Variants in BNIP3L observed in about 807,000 individuals in gnomAD.
BNIP3L encodes BCL2/adenovirus E1B 19 kDa protein-interacting protein 3-like.
In BNIP3L, 10 loss-of-function variants were observed where a neutral mutation model predicts 25.5. The ratio of observed to expected loss-of-function variants is 0.39; its 90% CI spans 0.24 to 0.67. BNIP3L has a LOEUF of 0.67. Ranked by LOEUF, BNIP3L falls within the 30% of genes least tolerant of loss-of-function variation. The pLI, the probability that BNIP3L is intolerant of heterozygous loss-of-function variation, is 0.45. For missense variants in BNIP3L, 215 were observed against 270.9 expected (o/e 0.79, Z 1.45); for synonymous variants, 113 against 101.2 (o/e 1.12, Z -0.70).
intron 1 of BNIP3L, among the ~76,000 whole-genome samples, chr8:26,387,771 C>T (rs998441133): frequency 1.3e-5 from 2 of 152,190 alleles, no homozygotes; most frequent in Non-Finnish European, 2.9e-5. Flanking sequence ...GAAATCTACA[C>T]TTTTAAGGCT....
chr8:26,392,177 T>G (rs1806128318), intron 2 of BNIP3L, among the ~76,000 whole-genome samples: 3 of 151,750 alleles, frequency 2.0e-5, no homozygotes, highest in South Asian at 2.1e-4. Flanking sequence ...TTCTGTTTTT[T>G]TTTTTTTTTT....
At position 26,406,997 on chromosome 8, in the gene BNIP3L, T is replaced by G. The variant is rs890713912; in HGVS notation, c.358-1003T>G. On this transcript the variant is annotated intron_variant, in intron 3 of 5. Transcript: ENST00000380629. ...TTTTTTAATTATGAAATTTTTTTTT[T>G]TCTTTTTTTTGTTGAGATGGAATCT... Among the ~76,000 whole-genome samples, 66 of 151,860 alleles carry G rather than the reference T, an allele frequency of 4.3e-4. 1 individual carries two copies. The highest frequency in any genetic ancestry group is 1.6e-3 in the African/African-American group (66 of 41,342).
intron 3 of BNIP3L, among the ~76,000 whole-genome samples, chr8:26,406,008 A>G (rs963976246): frequency 2.6e-5 from 4 of 152,210 alleles, no homozygotes; most frequent in African/African-American, 7.2e-5. Flanking sequence ...GCGCCACTGC[A>G]CTCCAGCCTG....
chr8:26,392,635 A>G (rs1789863318), intron 2 of BNIP3L, among the ~76,000 whole-genome samples: 1 of 151,152 alleles, frequency 6.6e-6, no homozygotes, highest in Admixed American at 6.6e-5. Flanking sequence ...GGCTCTTGTC[A>G]TAAGCGGAAC....
At chr8:26,395,177 G>C in intron 2 of BNIP3L, 53 bp from the exon 3 acceptor site, 2 of 1,578,854 alleles carry the variant, frequency 1.3e-6, no homozygotes, top group Non-Finnish European at 1.7e-6. Flanking sequence ...TAGAGACTAA[G>C]TCATTTGACA....
chr8:26,393,946 G>A (rs1047379000), intron 2 of BNIP3L, among the ~76,000 whole-genome samples: 6 of 152,034 alleles, frequency 3.9e-5, no homozygotes, highest in Non-Finnish European at 7.4e-5. Flanking sequence ...AATTTCTGAC[G>A]ATCTTATTTC....
chr8:26,396,636 C>T (rs1441046508), intron 3 of BNIP3L, among the ~76,000 whole-genome samples: 3 of 151,082 alleles, frequency 2.0e-5, no homozygotes, highest in East Asian at 1.9e-4. Flanking sequence ...ATGATTTTGA[C>T]GAGCTGAGAG....
chr8:26,395,492 C>A, intron 3 of BNIP3L, 190 bp downstream of exon 3: 1 of 577,464 alleles, frequency 1.7e-6, no homozygotes. Context: ...ATTTTGGGCC[C>A]TGTCACTCTA....
chr8:26,396,073 G>C (rs1219872332), intron 3 of BNIP3L: 2 of 151,128 alleles, frequency 1.3e-5, no homozygotes, highest in African/African-American at 4.9e-5. Flanking sequence ...GCCCAGGCTT[G>C]CTTAGGTAAA....
At chr8:26,397,426 C>T (rs1399765776) in intron 3 of BNIP3L, among the ~76,000 whole-genome samples, 16 of 120,560 alleles carry the variant, frequency 1.3e-4, no homozygotes, top group Non-Finnish European at 8.6e-5. Context: ...AAATGCTGAC[C>T]GATTTTGTCA....
intron 3 of BNIP3L, among the ~76,000 whole-genome samples, chr8:26,398,841 CAT>C (rs1397887070): frequency 1.1e-4 from 17 of 152,136 alleles, no homozygotes; most frequent in African/African-American, 4.1e-4. Context: ...TTCCTCGACA[CAT>C]ACACTCTCCC....
rs947010923 is a variant in BNIP3L, at chr8:26,390,499, A to G, written c.101-744A>G. On this transcript the variant is annotated intron_variant, in intron 1 of 5. Coordinates refer to ENST00000380629, the MANE Select transcript of BNIP3L (RefSeq NM_004331.3). ...GTAGAAACCCGTGGGAGAGAAAAGAAAAAAGACAAGTTCACAAGGTATGTT... is the reference window on the plus strand; with the variant it reads ...GTAGAAACCCGTGGGAGAGAAAAGAGAAAAGACAAGTTCACAAGGTATGTT... 4.1e-6 allele frequency: 4 copies of G among 985,378 alleles called. No individual in the cohort carries two copies. The African/African-American group carries it at 7.0e-5, about 17-fold the overall frequency. The allele number at this position is 985,378 out of a possible 1,614,324, so 61.0% of individuals were successfully genotyped here. A position where few individuals can be genotyped will look rare whatever the true frequency, so the allele number is the denominator to read the frequency against.
chr8:26,400,174 G>C (rs1280185856), intron 3 of BNIP3L, among the ~76,000 whole-genome samples: 2 of 151,600 alleles, frequency 1.3e-5, no homozygotes, highest in Non-Finnish European at 2.9e-5. Context: ...ATACCACAAG[G>C]CTACAGTAAC....
rs1294068002 is a variant in BNIP3L, at chr8:26,411,983, TTGA to T, written c.*1574_*1576del. On this transcript the variant is annotated 3_prime_UTR_variant, in exon 6 of 6. Transcript: ENST00000380629. Reference sequence around the variant, plus strand: ...TTTTCTCACATCAACATTTGTAAAATTGATGTGTTATAGTGGAAAATAACATAT... The same window carrying T: ...TTTTCTCACATCAACATTTGTAAAATTGTGTTATAGTGGAAAATAACATAT... 6.6e-6 allele frequency: 1 copy of T among 152,658 alleles called. No homozygotes were observed. The allele number at this position is 152,658 out of a possible 1,614,324, so 9.5% of individuals were successfully genotyped here.
chr8:26,396,418 C>A (rs1335530793), intron 3 of BNIP3L, among the ~76,000 whole-genome samples: 2 of 91,192 alleles, frequency 2.2e-5, no homozygotes, highest in Admixed American at 1.2e-4. Context: ...AGGGTCCTGT[C>A]TGTTAGAAGG....
intron 2 of BNIP3L, among the ~76,000 whole-genome samples, chr8:26,394,804 T>A (rs751883543): frequency 4.6e-5 from 7 of 152,194 alleles, no homozygotes; most frequent in Non-Finnish European, 1.0e-4. Flanking sequence ...TCTGAAAGCG[T>A]CTTTGAGAAC....
At chr8:26,399,032 A>G (rs1270557336) in intron 3 of BNIP3L, among the ~76,000 whole-genome samples, 1 of 151,526 alleles carries the variant, frequency 6.6e-6, no homozygotes, top group Non-Finnish European at 1.5e-5. Context: ...ATTCCAATCA[A>G]TAGAAAAAGA....
At chr8:26,385,613 A>G (rs79255750) in intron 1 of BNIP3L, among the ~76,000 whole-genome samples, 2,215 of 42,248 alleles carry the variant, frequency 0.052, 28 homozygotes, top group Middle Eastern at 0.091. Flanking sequence ...AAAAAAAAAA[A>G]GGGGCGAGGG....
In BNIP3L at chr8:26,410,671, T is replaced by A. The variant is rs1260509188; in HGVS notation, c.*259T>A. The A allele has an allele frequency of 4.2e-6, 2 of 474,762 alleles. No individual in the cohort carries two copies. The highest frequency in any genetic ancestry group is 7.6e-5 in the East Asian group (2 of 26,224). 29.4% of individuals were successfully genotyped at this position (474,762 alleles called of 1,614,324 possible). ...CTGTTGTTTAGAAATTTGCAAGGGC[T>A]TCTTTTCCGCAAATGCCACCAGCAG... On this transcript the variant is annotated 3_prime_UTR_variant, in exon 6 of 6. Coordinates refer to ENST00000380629, the MANE Select transcript of BNIP3L (RefSeq NM_004331.3).
Sources: allele counts gnomAD v4.1 joint callset (sites outside exome capture counted in the v4.1 genomes callset), GRCh38; gene constraint gnomAD v4.1.1; transcripts MANE v1.5; gene names NCBI Gene and HGNC (gene_info 2026-07-23, HGNC 2026-07-21).